RGMA: variants seen among roughly 807,000 people sequenced by gnomAD.
The protein encoded by RGMA is repulsive guidance molecule A.
RGMA carries 10 observed loss-of-function variants against 23.2 expected under a neutral mutation model. The ratio of observed to expected loss-of-function variants is 0.43; its 90% CI spans 0.27 to 0.73. The LOEUF is 0.73. Among genes scored for constraint, RGMA ranks in the 30% least tolerant of loss-of-function variants. The pLI is 0.20. For synonymous variants in RGMA, 308 were observed against 279.3 expected (o/e 1.10, Z -1.03); for missense variants, 547 against 630.5 (o/e 0.87, Z 1.42).
rs1895691788 is a variant in RGMA, at chr15:93,089,080, G to A, written c.-148C>T. On this transcript the variant is annotated 5_prime_UTR_variant, in exon 1 of 4. Coordinates refer to ENST00000329082, the MANE Select transcript of RGMA (RefSeq NM_020211.3). ...CCCCGGCCGGCTCAGCAGCGGCCCGGGGAGCGCCTCCTGCTCCCGGGCTGC... is the reference window on the plus strand; with the variant it reads ...CCCCGGCCGGCTCAGCAGCGGCCCGAGGAGCGCCTCCTGCTCCCGGGCTGC... 2.5e-6 allele frequency: 1 copy of A among 407,870 alleles called. No homozygotes were observed. Among genetic ancestry groups the A allele is most frequent in the Non-Finnish European group, 4.2e-6 (1 of 240,372 alleles). 25.3% of individuals were successfully genotyped at this position (407,870 alleles called of 1,614,324 possible).
intron 2 of RGMA, among the ~76,000 whole-genome samples, chr15:93,055,755 C>A (rs904420782): frequency 2.6e-5 from 4 of 152,226 alleles, no homozygotes; most frequent in Non-Finnish European, 4.4e-5. Flanking sequence ...GGGGTCACCT[C>A]CCAGGGTGAG....
chr15:93,080,537 T>G (rs932702458), intron 1 of RGMA, among the ~76,000 whole-genome samples: 1 of 152,196 alleles, frequency 6.6e-6, no homozygotes, highest in Non-Finnish European at 1.5e-5. Flanking sequence ...AGATCACAGC[T>G]GCTCCCCAGG....
rs1265775426 is a variant in RGMA at position 93,043,586 on chromosome 15, TCCAACATAGGGA to T, written c.*1400_*1411del. On this transcript the variant is annotated 3_prime_UTR_variant, in exon 4 of 4. Transcript: ENST00000329082. ...AAAATAAAGTGCTTCACTTTTTACT[TCCAACATAGGGA>T]CCAACTAAAACCAGCAGGGAGAGGG... The T allele has an allele frequency of 1.3e-5, 2 of 152,318 alleles. No homozygotes were observed. The highest frequency in any genetic ancestry group is 4.8e-5 in the African/African-American group (2 of 41,412). The allele number at this position is 152,318 out of a possible 1,614,324, so 9.4% of individuals were successfully genotyped here.
intron 3 of RGMA, among the ~76,000 whole-genome samples, chr15:93,051,528 G>A (rs564822774): frequency 6.6e-5 from 10 of 152,272 alleles, no homozygotes; most frequent in East Asian, 5.8e-4. Flanking sequence ...GTCCACTTGC[G>A]TGGGTCCATG....
chr15:93,074,392 G>A (rs929695309), intron 1 of RGMA, among the ~76,000 whole-genome samples: 3 of 152,150 alleles, frequency 2.0e-5, no homozygotes, highest in Non-Finnish European at 4.4e-5. Flanking sequence ...TTGAAGGGAG[G>A]GGAGAAGGCC....
chr15:93,061,697 T>C (rs1377087198), intron 2 of RGMA, among the ~76,000 whole-genome samples: 1 of 152,188 alleles, frequency 6.6e-6, no homozygotes, highest in Non-Finnish European at 1.5e-5. Flanking sequence ...ATCAGAAAGA[T>C]AGGGGAGGGC....
At chr15:93,048,819 G>T (rs1173866432) in intron 3 of RGMA, among the ~76,000 whole-genome samples, 1 of 151,760 alleles carries the variant, frequency 6.6e-6, no homozygotes, top group African/African-American at 2.4e-5. Context: ...AGGGTGGTCT[G>T]GGCCGTGGGT....
Position 93,073,404 on chromosome 15 carries a change from C to A in RGMA, c.15-373G>T, listed in dbSNP as rs1408521532. On this transcript the variant is annotated intron_variant, in intron 1 of 3. Transcript: ENST00000329082. ...TCAGAGGGCGCGCCACGCTCCCCGACCCTCGCGCCATCTCCAGCCCGCGGC... is the reference window on the plus strand; with the variant it reads ...TCAGAGGGCGCGCCACGCTCCCCGAACCTCGCGCCATCTCCAGCCCGCGGC... 2.6e-5 allele frequency among the ~76,000 whole-genome samples: 4 copies of A among 152,270 alleles called. No individual in the cohort carries two copies. In the East Asian group the frequency reaches 5.8e-4, roughly 22 times the overall value.
chr15:93,069,401 C>T (rs920088992), intron 2 of RGMA, among the ~76,000 whole-genome samples: 26 of 152,190 alleles, frequency 1.7e-4, no homozygotes, highest in African/African-American at 2.2e-4. Context: ...TGAGCCACCG[C>T]GCCTGGCCGA....
chr15:93,077,756 G>A (rs569773287), intron 1 of RGMA, among the ~76,000 whole-genome samples: 1 of 152,368 alleles, frequency 6.6e-6, no homozygotes, highest in Non-Finnish European at 1.5e-5. Context: ...CCAGGAGGCT[G>A]GAGCGCAATG....
In RGMA at chr15:93,084,208, C is replaced by T. The variant is rs1039201297; in HGVS notation, c.14+4711G>A. ...GTTCCTGTAAGGGGAATCTATTCTT[C>T]AGGCTGCCACTGTCAGAGCTGAAAA... is the stretch of plus-strand genomic sequence containing the variant. On this transcript the variant is annotated intron_variant, in intron 1 of 3. Coordinates refer to ENST00000329082, the MANE Select transcript of RGMA (RefSeq NM_020211.3). 2.4e-4 allele frequency among the ~76,000 whole-genome samples: 36 copies of T among 152,208 alleles called. 1 individual carries two copies. The highest frequency in any genetic ancestry group is 1.0e-4 in the Non-Finnish European group (7 of 68,032).
At chr15:93,061,146 A>G (rs1205155409) in intron 2 of RGMA, among the ~76,000 whole-genome samples, 2 of 152,182 alleles carry the variant, frequency 1.3e-5, no homozygotes, top group Non-Finnish European at 2.9e-5. Flanking sequence ...TCCATACCCA[A>G]AGCCTATCAG....
At chr15:93,075,289 TC>T (rs1018609504) in intron 1 of RGMA, among the ~76,000 whole-genome samples, 1 of 152,206 alleles carries the variant, frequency 6.6e-6, no homozygotes, top group African/African-American at 2.4e-5. Context: ...AGTTTTTTTT[TC>T]CAAAGCTATT....
Position 93,052,055 on chromosome 15 carries a change from G to T in RGMA, c.583C>A (p.Leu195Met), listed in dbSNP as rs199570571. The T allele has an allele frequency of 1.2e-6, 2 of 1,612,386 alleles. No homozygotes were observed. The highest frequency in any genetic ancestry group is 1.7e-6 in the Non-Finnish European group (2 of 1,179,296). ...GGCGTGTTGGTGACCTGCACGTTCA[G>T]GTAATTATTGTCGATGAGCGGCCAG... Reference protein sequence around the residue: ...GAWPLIDNNYLNVQVTNTPVL... With the variant: ...GAWPLIDNNYMNVQVTNTPVL... The change falls in exon 3 of 4, where the codon CTG (leucine) becomes ATG (methionine). Residue 195 changes from leucine (L) to methionine (M), a missense_variant. Coordinates refer to ENST00000329082, the MANE Select transcript of RGMA (RefSeq NM_020211.3).
chr15:93,088,627 A>T (rs1895682429), intron 1 of RGMA: 1 of 1,016,644 alleles, frequency 9.8e-7, no homozygotes, highest in East Asian at 4.7e-5. Context: ...AGGAGCTCCC[A>T]GCCCGCACAC....
chr15:93,035,770 C>G lies in RGMA; in HGVS notation c.*9228G>C, dbSNP rs2054654086. On this transcript the variant is annotated 3_prime_UTR_variant, in exon 4 of 4. Coordinates refer to ENST00000329082, the MANE Select transcript of RGMA (RefSeq NM_020211.3). ...ACTCTGAAGGCCGAGCCTGTCACCA[C>G]CTCATGCAATGGCTTTCCCTGCGGT... The G allele has an allele frequency of 6.6e-6, 1 of 152,272 alleles. No individual in the cohort carries two copies. Among genetic ancestry groups the G allele is most frequent in the South Asian group, 2.1e-4 (1 of 4,834 alleles). The allele number at this position is 152,272 out of a possible 1,614,324, so 9.4% of individuals were successfully genotyped here. A position where few individuals can be genotyped will look rare whatever the true frequency, so the allele number is the denominator to read the frequency against.
chr15:93,039,239 C>T lies in RGMA; in HGVS notation c.*5759G>A, dbSNP rs1350396486. 1.3e-5 allele frequency: 2 copies of T among 152,114 alleles called. No homozygotes were observed. The highest frequency in any genetic ancestry group is 1.9e-4 in the East Asian group (1 of 5,190). The allele number at this position is 152,114 out of a possible 1,614,324, so 9.4% of individuals were successfully genotyped here. A position where few individuals can be genotyped will look rare whatever the true frequency, so the allele number is the denominator to read the frequency against. Reference sequence around the variant, plus strand: ...CCTTCAGTGTCCCAAACCTGCTCCTCCCATGATCTTTCCAGTCATGGTAAA... The same window carrying T: ...CCTTCAGTGTCCCAAACCTGCTCCTTCCATGATCTTTCCAGTCATGGTAAA... On this transcript the variant is annotated 3_prime_UTR_variant, in exon 4 of 4. Transcript: ENST00000329082.
At chr15:93,066,228 C>A in intron 2 of RGMA, 1 of 1,401,742 alleles carries the variant, frequency 7.1e-7, no homozygotes, top group Non-Finnish European at 1.0e-6. Flanking sequence ...CAACGCTGCG[C>A]AGAAACTTCC....
chr15:93,050,708 C>CTA (rs1454176815), intron 3 of RGMA, among the ~76,000 whole-genome samples: 1 of 152,202 alleles, frequency 6.6e-6, no homozygotes, highest in Non-Finnish European at 1.5e-5. Context: ...TTTGGTGCTT[C>CTA]CACCCCCTGG....
Sources: gnomAD v4.1 joint callset for allele counts (sites outside exome capture counted in the v4.1 genomes callset) on GRCh38, gnomAD v4.1.1 for gene constraint, MANE v1.5 for transcripts, NCBI Gene and HGNC (gene_info 2026-07-23, HGNC 2026-07-21) for gene names.